The following UXS1 variants were observed in gnomAD, a reference collection of about 807,000 sequenced individuals.
The protein encoded by UXS1 is UDP-glucuronic acid decarboxylase 1.
UXS1 carries 33 observed loss-of-function variants against 62.6 expected under a neutral mutation model. The ratio of observed to expected loss-of-function variants is 0.53; its 90% confidence interval spans 0.40 to 0.70. The LOEUF (loss-of-function observed/expected upper bound fraction) is 0.70, where lower values mean the gene tolerates loss of function less well. Ranked by LOEUF, UXS1 falls within the 30% of genes least tolerant of loss-of-function variation. The pLI is 0.00. For missense variants in UXS1, 434 were observed against 556.3 expected, an observed-to-expected ratio of 0.78 and a Z score of 2.21; for synonymous variants, 213 against 206.8, an observed-to-expected ratio of 1.03 and a Z score of -0.26.
chr2:106,137,606 T>C (rs933165918), intron 6 of UXS1, among the ~76,000 whole-genome samples: 36 of 151,162 alleles, frequency 2.4e-4, no homozygotes, highest in Admixed American at 2.4e-3. Context: ...CTGGCCAACA[T>C]GGTGAAACCC....
At chr2:106,094,201 C>T (rs2104813306) in intron 14 of UXS1, 44 bp from the exon 15 acceptor site, 1 of 1,106,280 alleles carries the variant, frequency 9.0e-7, no homozygotes, top group Non-Finnish European at 1.2e-6. Flanking sequence ...GTCACATTGA[C>T]AGAAGGGCAT....
At chr2:106,104,947 C>G in intron 10 of UXS1, 110 bp from the exon 11 acceptor site, 1 of 1,321,316 alleles carries the variant, frequency 7.6e-7, no homozygotes. Flanking sequence ...TCCCAGGGGG[C>G]AGTGATGCTG....
In UXS1 at chr2:106,140,044, T is replaced by G. The variant is rs115642588; in HGVS notation, c.472+5146A>C. On this transcript the variant is annotated intron_variant, in intron 6 of 14. Transcript: ENST00000283148. ...CAGTATTTAGGATGGAAAACAGGAA[T>G]GAAGAAGATACAGAACTTCTCAAAG... 9.4e-3 allele frequency among the ~76,000 whole-genome samples: 1,434 copies of G among 152,024 alleles called. 10 individuals carry two copies. Among genetic ancestry groups the G allele is most frequent in the Admixed American group, 0.016 (245 of 15,290 alleles).
chr2:106,095,233 G>A (rs1297382927), intron 14 of UXS1, among the ~76,000 whole-genome samples: 4 of 152,080 alleles, frequency 2.6e-5, no homozygotes, highest in African/African-American at 7.2e-5. Context: ...TAAAAATATA[G>A]GCTCTCCTTA....
chr2:106,182,398 A>G (rs1684301852), intron 1 of UXS1, among the ~76,000 whole-genome samples: 1 of 152,262 alleles, frequency 6.6e-6, no homozygotes, highest in South Asian at 2.1e-4. Context: ...TGCAGAAATT[A>G]TGAGGTCTGG....
chr2:106,100,866 T>C, intron 12 of UXS1, 192 bp downstream of exon 12: 1 of 678,934 alleles, frequency 1.5e-6, no homozygotes, highest in Non-Finnish European at 2.5e-6. Context: ...ACCCGTGCCT[T>C]GCAGATGTTT....
chr2:106,125,994 T>G (rs1679911608), intron 7 of UXS1, among the ~76,000 whole-genome samples: 1 of 152,110 alleles, frequency 6.6e-6, no homozygotes, highest in South Asian at 2.1e-4. Context: ...TTACCCCATA[T>G]TTTACTGGGT....
chr2:106,158,196 T>C (rs1346256537), intron 4 of UXS1, 78 bp from the exon 5 acceptor site: 2 of 1,292,904 alleles, frequency 1.5e-6, no homozygotes, highest in African/African-American at 1.5e-5. Flanking sequence ...CATCAAAGCA[T>C]GTGCCAGGTT....
At chr2:106,130,265 G>A (rs1361148081) in intron 6 of UXS1, among the ~76,000 whole-genome samples, 1 of 152,154 alleles carries the variant, frequency 6.6e-6, no homozygotes, top group Non-Finnish European at 1.5e-5. Context: ...GAGGGAGGGA[G>A]GGAGGTTTTT....
intron 1 of UXS1, among the ~76,000 whole-genome samples, chr2:106,186,114 A>G (rs1448232847): frequency 6.6e-6 from 1 of 152,220 alleles, no homozygotes; most frequent in Non-Finnish European, 1.5e-5. Flanking sequence ...ACTAACTGCA[A>G]TCCCCAACAG....
intron 3 of UXS1, 95 bp downstream of exon 3, chr2:106,164,641 T>A: frequency 1.0e-6 from 1 of 988,256 alleles, no homozygotes; most frequent in Admixed American, 2.9e-5. Flanking sequence ...CAGAACAGCA[T>A]CAAGCTGCCA....
intron 2 of UXS1, 116 bp from the exon 3 acceptor site, chr2:106,164,915 CAT>C: frequency 1.4e-6 from 1 of 709,324 alleles, no homozygotes; most frequent in Non-Finnish European, 2.3e-6. Context: ...AAGTATCAGT[CAT>C]GTGTACAATT....
chr2:106,166,762 A>T (rs1683242467), intron 1 of UXS1, among the ~76,000 whole-genome samples: 1 of 136,484 alleles, frequency 7.3e-6, no homozygotes, highest in South Asian at 2.4e-4. Context: ...GTCTCTAGTG[A>T]TCCTCTCGCC....
intron 9 of UXS1, among the ~76,000 whole-genome samples, chr2:106,122,344 T>C (rs1235623111): frequency 6.6e-6 from 1 of 152,116 alleles, no homozygotes; most frequent in Admixed American, 6.5e-5. Flanking sequence ...CACCCTGAGA[T>C]GGGCAGGGCA....
intron 5 of UXS1, among the ~76,000 whole-genome samples, chr2:106,153,212 G>T (rs1005815984): frequency 6.6e-6 from 1 of 152,326 alleles, no homozygotes; most frequent in South Asian, 2.1e-4. Context: ...TCAAAGACTG[G>T]TCTCAAAATC....
At chr2:106,181,775 A>G (rs1380394734) in intron 1 of UXS1, among the ~76,000 whole-genome samples, 1 of 152,240 alleles carries the variant, frequency 6.6e-6, no homozygotes, top group Non-Finnish European at 1.5e-5. Flanking sequence ...AAGTAAATTC[A>G]GACTTCTCAC....
intron 3 of UXS1, among the ~76,000 whole-genome samples, chr2:106,164,113 T>A (rs1295593858): frequency 6.6e-6 from 1 of 152,132 alleles, no homozygotes; most frequent in East Asian, 1.9e-4. Context: ...CTGCAGCACA[T>A]AAATTGCAGG....
chr2:106,141,165 A>C (rs1327749479), intron 6 of UXS1, among the ~76,000 whole-genome samples: 1 of 152,252 alleles, frequency 6.6e-6, no homozygotes, highest in African/African-American at 2.4e-5. Context: ...GTCTTGGTAA[A>C]GAGATCTAGC....
chr2:106,150,438 C>T (rs1431290692), intron 5 of UXS1, among the ~76,000 whole-genome samples: 1 of 152,174 alleles, frequency 6.6e-6, no homozygotes, highest in Non-Finnish European at 1.5e-5. Context: ...CCAACGTTTC[C>T]AGAGAGGTGC....
Sources: allele counts gnomAD v4.1 joint callset (sites outside exome capture counted in the v4.1 genomes callset), GRCh38; gene constraint gnomAD v4.1.1; transcripts MANE v1.5; gene names NCBI Gene and HGNC (gene_info 2026-07-23, HGNC 2026-07-21).